NTNG1: variants seen among roughly 807,000 people sequenced by gnomAD.
NTNG1 encodes the protein netrin G1.
NTNG1 carries 16 observed loss-of-function variants against 54.0 expected under a neutral mutation model. That is an observed-to-expected ratio of 0.30 (90% CI 0.20 to 0.45). The LOEUF is 0.45. NTNG1 is among the 20% of genes least tolerant of loss of function. NTNG1 has a pLI of 1.00. For missense variants in NTNG1, 530 were observed against 678.7 expected, an observed-to-expected ratio of 0.78 and a Z score of 2.43; for synonymous variants, 255 against 263.1, an observed-to-expected ratio of 0.97 and a Z score of 0.30.
intron 3 of NTNG1, among the ~76,000 whole-genome samples, chr1:107,331,240 A>G (rs1019115541): frequency 2.0e-5 from 3 of 146,934 alleles, no homozygotes. Context: ...CTCAGTATAT[A>G]TAGAAGACCC....
At chr1:107,194,838 G>A (rs1386882997) in intron 2 of NTNG1, among the ~76,000 whole-genome samples, 3 of 151,862 alleles carry the variant, frequency 2.0e-5, no homozygotes, top group African/African-American at 4.8e-5. Flanking sequence ...TTAATTAAAA[G>A]TATCTATGGC....
intron 2 of NTNG1, among the ~76,000 whole-genome samples, chr1:107,272,240 G>T (rs1399507715): frequency 6.6e-6 from 1 of 151,922 alleles, no homozygotes; most frequent in Non-Finnish European, 1.5e-5. Context: ...TTCTTAAAGG[G>T]TCTAAAAGAA....
At chr1:107,474,622 A>G (rs1236507724) in intron 7 of NTNG1, among the ~76,000 whole-genome samples, 1 of 152,198 alleles carries the variant, frequency 6.6e-6, no homozygotes, top group African/African-American at 2.4e-5. Context: ...AAGTTTATCA[A>G]CTCACAATTC....
At chr1:107,140,429 G>C (rs556219354), upstream of NTNG1, among the ~76,000 whole-genome samples, 1 of 152,074 alleles carries the variant, frequency 6.6e-6, no homozygotes, top group East Asian at 1.9e-4. Context: ...GCCGCTGGTG[G>C]GGGCGGGGAG....
chr1:107,283,278 T>G (rs1664986660), intron 2 of NTNG1, among the ~76,000 whole-genome samples: 1 of 152,126 alleles, frequency 6.6e-6, no homozygotes, highest in Non-Finnish European at 1.5e-5. Flanking sequence ...ATCTCTAACC[T>G]TTTTCAGCCA....
intron 3 of NTNG1, among the ~76,000 whole-genome samples, chr1:107,360,495 A>G (rs1466935249): frequency 6.6e-6 from 1 of 152,212 alleles, no homozygotes; most frequent in Non-Finnish European, 1.5e-5. Flanking sequence ...GAGATGAGCA[A>G]ATGCCAAATT....
chr1:107,307,739 T>A (rs1358461492), intron 2 of NTNG1, among the ~76,000 whole-genome samples: 2 of 152,242 alleles, frequency 1.3e-5, no homozygotes, highest in African/African-American at 4.8e-5. Flanking sequence ...TAACAAGGCT[T>A]ATTTTTAACT....
In NTNG1 at chr1:107,419,462, C is replaced by T. The variant is rs545373973; in HGVS notation, c.1088-11288C>T. Among the ~76,000 whole-genome samples, 10 of 151,860 alleles carry T rather than the reference C, an allele frequency of 6.6e-5. 1 individual carries two copies. The South Asian group carries it at 1.9e-3, about 28-fold the overall frequency. ...ACACTGATAGACAGAAATGTGATTA[C>T]GCAGGAAGAAAGAGAACTTTTAAAG... is the stretch of plus-strand genomic sequence containing the variant. On this transcript the variant is annotated intron_variant, in intron 5 of 7. Transcript: ENST00000370068.
intron 2 of NTNG1, among the ~76,000 whole-genome samples, chr1:107,279,907 T>G (rs1193136253): frequency 2.0e-5 from 3 of 152,110 alleles, no homozygotes; most frequent in Admixed American, 1.3e-4. Flanking sequence ...CCTCCCACCA[T>G]GGGTTGCAGT....
At chr1:107,235,304 C>T (rs929225055) in intron 2 of NTNG1, among the ~76,000 whole-genome samples, 6 of 151,882 alleles carry the variant, frequency 4.0e-5, no homozygotes, top group Admixed American at 6.5e-5. Context: ...TTTTTGGATC[C>T]ATCAGAAACG....
At chr1:107,352,226 A>G (rs1427078524) in intron 3 of NTNG1, among the ~76,000 whole-genome samples, 1 of 152,206 alleles carries the variant, frequency 6.6e-6, no homozygotes, top group East Asian at 1.9e-4. Flanking sequence ...GCAGTGCTCC[A>G]ATGGGGACTC....
intron 2 of NTNG1, among the ~76,000 whole-genome samples, chr1:107,235,254 T>G (rs1357363033): frequency 6.6e-6 from 1 of 151,838 alleles, no homozygotes; most frequent in Admixed American, 6.6e-5. Context: ...AAGAAAAACA[T>G]GGACATTGAA....
chr1:107,422,354 G>C (rs1017024697), intron 5 of NTNG1, among the ~76,000 whole-genome samples: 2 of 151,944 alleles, frequency 1.3e-5, no homozygotes, highest in East Asian at 3.9e-4. Context: ...AGAAAGGAAG[G>C]AAAAAGCACA....
chr1:107,410,771 C>T (rs935683449), intron 5 of NTNG1, among the ~76,000 whole-genome samples: 2 of 152,140 alleles, frequency 1.3e-5, no homozygotes, highest in East Asian at 3.9e-4. Context: ...AAGTGATAAA[C>T]TGATCATTAC....
rs147445760 is a variant in NTNG1 at position 107,425,893 on chromosome 1, C to T, written c.1088-4857C>T. Among the ~76,000 whole-genome samples the T allele has an allele frequency of 1.6e-3, 250 of 152,042 alleles. 1 individual carries two copies. Among genetic ancestry groups the T allele is most frequent in the African/African-American group, 5.5e-3 (228 of 41,504 alleles). On this transcript the variant is annotated intron_variant, in intron 5 of 7. Coordinates refer to ENST00000370068, the MANE Select transcript of NTNG1 (RefSeq NM_001113226.3). ...TCATTTTGACTGGTGTAAGATGGCA[C>T]GTTAGTGTGATTTTAATTTACATTT...
At chr1:107,252,500 G>T (rs1557845279) in intron 2 of NTNG1, among the ~76,000 whole-genome samples, 1 of 152,156 alleles carries the variant, frequency 6.6e-6, no homozygotes, top group Non-Finnish European at 1.5e-5. Flanking sequence ...TGAAACTTCT[G>T]TCTGTTCTAG....
chr1:107,209,576 G>A (rs896603432), intron 2 of NTNG1, among the ~76,000 whole-genome samples: 6 of 152,152 alleles, frequency 3.9e-5, no homozygotes, highest in African/African-American at 1.4e-4. Context: ...ATGTGACCTT[G>A]ATTGAGACAA....
intron 2 of NTNG1, among the ~76,000 whole-genome samples, chr1:107,224,123 G>T (rs988087485): frequency 7.9e-5 from 12 of 152,124 alleles, no homozygotes; most frequent in African/African-American, 2.2e-4. Context: ...CTGTTTTGTA[G>T]AAAGATGTCA....
At chr1:107,239,457 C>T (rs1202481699) in intron 2 of NTNG1, among the ~76,000 whole-genome samples, 2 of 152,094 alleles carry the variant, frequency 1.3e-5, no homozygotes, top group East Asian at 3.8e-4. Context: ...GGAATTAACA[C>T]CTGAGATTAA....
Sources: gnomAD v4.1 joint callset for allele counts (sites outside exome capture counted in the v4.1 genomes callset) on GRCh38, gnomAD v4.1.1 for gene constraint, MANE v1.5 for transcripts, NCBI Gene and HGNC (gene_info 2026-07-23, HGNC 2026-07-21) for gene names.